CALN1: variants seen among roughly 807,000 people sequenced by gnomAD.
CALN1 encodes calneuron 1, also known as calcium-binding protein 8.
A neutral mutation model predicts 30.6 loss-of-function variants in CALN1; 17 were observed. The observed-to-expected ratio is 0.56, with a 90% CI of 0.38 to 0.83. The LOEUF (loss-of-function observed/expected upper bound fraction) is 0.83. Among genes scored for constraint, CALN1 ranks in the 40% least tolerant of loss-of-function variants. CALN1 has a pLI of 0.00. For synonymous variants in CALN1, 156 were observed against 131.4 expected, an observed-to-expected ratio of 1.19 and a Z score of -1.28; for missense variants, 291 against 354.9, an observed-to-expected ratio of 0.82 and a Z score of 1.45.
At chr7:72,178,352 G>A (rs757993140) in intron 3 of CALN1, among the ~76,000 whole-genome samples, 73 of 152,276 alleles carry the variant, frequency 4.8e-4, no homozygotes, top group Middle Eastern at 3.4e-3. Flanking sequence ...GCAAGAGGTC[G>A]AATGGAGTAG....
chr7:71,871,531 G>A (rs1244251269), intron 5 of CALN1, among the ~76,000 whole-genome samples: 2 of 152,178 alleles, frequency 1.3e-5, no homozygotes, highest in Non-Finnish European at 2.9e-5. Flanking sequence ...AGGATCACTC[G>A]AGGCCAGGAA....
At chr7:72,398,449 G>C (rs76327229) in intron 2 of CALN1, among the ~76,000 whole-genome samples, 104 of 152,310 alleles carry the variant, frequency 6.8e-4, no homozygotes, top group African/African-American at 2.4e-3. Flanking sequence ...TTTGGAACAT[G>C]AGTTATTTTT....
At chr7:72,132,973 T>C (rs1172346805) in intron 3 of CALN1, among the ~76,000 whole-genome samples, 2 of 151,988 alleles carry the variant, frequency 1.3e-5, no homozygotes, top group East Asian at 3.9e-4. Context: ...GGGTACCCTA[T>C]TGCGAACTAC....
chr7:72,266,175 C>G (rs757822840), intron 3 of CALN1, among the ~76,000 whole-genome samples: 2 of 151,950 alleles, frequency 1.3e-5, no homozygotes, highest in African/African-American at 2.4e-5. Context: ...ACCCCCATCT[C>G]CTTGCATCTA....
At chr7:72,133,234 T>C (rs114961467) in intron 3 of CALN1, among the ~76,000 whole-genome samples, 3,623 of 152,298 alleles carry the variant, frequency 0.024, 154 homozygotes, top group African/African-American at 0.082. Flanking sequence ...ATGTTCGTAA[T>C]TTATTGTCAA....
At chr7:72,345,105 G>T (rs1277310930) in intron 2 of CALN1, among the ~76,000 whole-genome samples, 1 of 148,598 alleles carries the variant, frequency 6.7e-6, no homozygotes, top group Non-Finnish European at 1.5e-5. Flanking sequence ...ATATAATTAT[G>T]TTATACGAAA....
At position 71,801,983 on chromosome 7, in the gene CALN1, A is replaced by T. The variant is rs534830537; in HGVS notation, c.658+8353T>A. Among the ~76,000 whole-genome samples the T allele has an allele frequency of 4.0e-4, 61 of 152,182 alleles. 1 individual carries two copies. The South Asian group carries it at 0.012, about 31-fold the overall frequency. On this transcript the variant is annotated intron_variant, in intron 6 of 6. Coordinates refer to ENST00000395275, the MANE Select transcript of CALN1 (RefSeq NM_031468.4). ...ACAGAGCAAGACTGTGTCCAAAAAA[A>T]AAAAGAAAAAATTGCCATTCCCTTT...
intron 2 of CALN1, among the ~76,000 whole-genome samples, chr7:72,386,179 T>C (rs1030438409): frequency 1.3e-5 from 2 of 152,186 alleles, no homozygotes; most frequent in African/African-American, 2.4e-5. Flanking sequence ...TACATGACAA[T>C]ATGTATTTGT....
At chr7:71,903,269 G>A (rs1001865284) in intron 5 of CALN1, among the ~76,000 whole-genome samples, 1 of 152,048 alleles carries the variant, frequency 6.6e-6, no homozygotes, top group Non-Finnish European at 1.5e-5. Flanking sequence ...AGTGTTTAAA[G>A]TTGCAGGCAT....
At chr7:71,914,958 A>G (rs59392444) in intron 5 of CALN1, among the ~76,000 whole-genome samples, 23,105 of 152,204 alleles carry the variant, frequency 0.15, 1,997 homozygotes, top group Non-Finnish European at 0.19. Context: ...GAAAAAAAAT[A>G]AAGTTTGCAA....
chr7:71,951,615 CA>C (rs1054008570), intron 5 of CALN1, among the ~76,000 whole-genome samples: 1 of 150,340 alleles, frequency 6.7e-6, no homozygotes, highest in Admixed American at 6.6e-5. Flanking sequence ...AAAAACAAAA[CA>C]ACAACAACAA....
At chr7:72,029,896 G>A (rs574724471) in intron 4 of CALN1, among the ~76,000 whole-genome samples, 6 of 152,190 alleles carry the variant, frequency 3.9e-5, no homozygotes, top group East Asian at 1.9e-4. Context: ...CCCAAGGAGG[G>A]AACCTCTGAT....
chr7:72,141,324 G>A (rs1585025347), intron 3 of CALN1, among the ~76,000 whole-genome samples: 2 of 151,886 alleles, frequency 1.3e-5, no homozygotes, highest in African/African-American at 4.8e-5. Context: ...AAAAGGCCAG[G>A]TGCAGTGGCT....
chr7:72,093,647 C>G (rs1399199277), intron 4 of CALN1, among the ~76,000 whole-genome samples: 1 of 152,176 alleles, frequency 6.6e-6, no homozygotes, highest in Non-Finnish European at 1.5e-5. Flanking sequence ...GGACTGCCAG[C>G]TGGGATGGCT....
intron 2 of CALN1, among the ~76,000 whole-genome samples, chr7:72,346,442 A>G (rs1443277960): frequency 6.6e-6 from 1 of 152,180 alleles, no homozygotes; most frequent in African/African-American, 2.4e-5. Context: ...TGTTTCTCCA[A>G]TCCACACACA....
At position 72,238,498 on chromosome 7, in the gene CALN1, G is replaced by A. The variant is rs560481161; in HGVS notation, c.244+40188C>T. ...ATTCCCTAGAAATTCATGGAATAAT[G>A]AGTGTCTGATATGGTTTGACTGTGT... On this transcript the variant is annotated intron_variant, in intron 3 of 6. Coordinates refer to ENST00000395275, the MANE Select transcript of CALN1 (RefSeq NM_031468.4). Among the ~76,000 whole-genome samples, 3 of 152,228 alleles carry A rather than the reference G, an allele frequency of 2.0e-5. No individual in the cohort carries two copies. The South Asian group carries it at 6.2e-4, about 32-fold the overall frequency.
chr7:72,076,216 A>C (rs1267135651), intron 4 of CALN1, among the ~76,000 whole-genome samples: 1 of 152,070 alleles, frequency 6.6e-6, no homozygotes, highest in Non-Finnish European at 1.5e-5. Context: ...GTTGATAGGT[A>C]CAGCAAACCA....
intron 4 of CALN1, among the ~76,000 whole-genome samples, chr7:72,027,229 AAAAG>A (rs1285112262): frequency 6.6e-6 from 1 of 152,198 alleles, no homozygotes; most frequent in African/African-American, 2.4e-5. Flanking sequence ...CTTATTTAAA[AAAAG>A]AAGAGGAAGG....
At chr7:72,161,489 A>C (rs1182072455) in intron 3 of CALN1, among the ~76,000 whole-genome samples, 1 of 152,176 alleles carries the variant, frequency 6.6e-6, no homozygotes, top group East Asian at 1.9e-4. Context: ...ATGGCAAAAA[A>C]ATTCTATTTG....
Sources: gnomAD v4.1 joint callset for allele counts (sites outside exome capture counted in the v4.1 genomes callset) on GRCh38, gnomAD v4.1.1 for gene constraint, MANE v1.5 for transcripts, NCBI Gene and HGNC (gene_info 2026-07-23, HGNC 2026-07-21) for gene names.